CBLB: variants seen among roughly 807,000 people sequenced by gnomAD.
CBLB encodes E3 ubiquitin-protein ligase CBL-B.
CBLB carries 31 observed loss-of-function variants against 104.9 expected under a neutral mutation model. The observed-to-expected ratio is 0.30, with a 90% CI of 0.22 to 0.40. The LOEUF (loss-of-function observed/expected upper bound fraction) is 0.40, where lower values mean the gene tolerates loss of function less well. CBLB is among the 10% of genes least tolerant of loss of function. The pLI is 1.00. For synonymous variants in CBLB, 440 were observed against 422.6 expected (o/e 1.04, Z -0.51); for missense variants, 1,062 against 1,214.6 (o/e 0.87, Z 1.87).
At chr3:105,780,653 GTTTT>G (rs1245925965) in intron 3 of CBLB, among the ~76,000 whole-genome samples, 1 of 84,688 alleles carries the variant, frequency 1.2e-5, no homozygotes, top group African/African-American at 3.9e-5. Flanking sequence ...TAAAAGTTTT[GTTTT>G]TTGTTTTTTT....
chr3:105,794,605 T>C (rs539239421), intron 3 of CBLB, among the ~76,000 whole-genome samples: 1 of 152,156 alleles, frequency 6.6e-6, no homozygotes, highest in African/African-American at 2.4e-5. Flanking sequence ...GGGGCTAGAA[T>C]TGAGTCTTTG....
chr3:105,800,682 C>T (rs2082751049), intron 3 of CBLB, among the ~76,000 whole-genome samples: 1 of 152,034 alleles, frequency 6.6e-6, no homozygotes, highest in African/African-American at 2.4e-5. Flanking sequence ...TACACAAACC[C>T]CCCCACCCAC....
At chr3:105,722,171 C>T (rs2072942820) in intron 9 of CBLB, among the ~76,000 whole-genome samples, 2 of 133,036 alleles carry the variant, frequency 1.5e-5, no homozygotes, top group Admixed American at 1.7e-4. Flanking sequence ...CTGCCCTCAG[C>T]CTAGGTGTAA....
At chr3:105,828,434 C>T (rs535445183) in intron 3 of CBLB, among the ~76,000 whole-genome samples, 1 of 152,288 alleles carries the variant, frequency 6.6e-6, no homozygotes, top group Non-Finnish European at 1.5e-5. Context: ...ATATTAAATG[C>T]TGTTTCACTG....
chr3:105,760,767 C>A (rs917133565), intron 4 of CBLB, among the ~76,000 whole-genome samples: 2 of 151,976 alleles, frequency 1.3e-5, no homozygotes, highest in African/African-American at 4.8e-5. Context: ...TTTCTAAAAC[C>A]CTGAAAGAAA....
intron 8 of CBLB, among the ~76,000 whole-genome samples, chr3:105,735,232 C>A (rs1052029057): frequency 2.0e-5 from 3 of 152,100 alleles, no homozygotes; most frequent in Non-Finnish European, 4.4e-5. Flanking sequence ...CACACATGTA[C>A]ACATAAACTG....
intron 6 of CBLB, among the ~76,000 whole-genome samples, chr3:105,744,481 T>C (rs1298324744): frequency 6.6e-6 from 1 of 152,188 alleles, no homozygotes; most frequent in Non-Finnish European, 1.5e-5. Flanking sequence ...TAACTCTCCT[T>C]AGTCTAAATA....
chr3:105,742,169 C>G (rs1229614761), intron 6 of CBLB, among the ~76,000 whole-genome samples: 1 of 152,132 alleles, frequency 6.6e-6, no homozygotes, highest in Non-Finnish European at 1.5e-5. Context: ...TTAAGCAGAT[C>G]AAAAACAAAC....
intron 3 of CBLB, among the ~76,000 whole-genome samples, chr3:105,847,392 C>CCACACACA (rs112192218): frequency 0.01 from 1,447 of 143,514 alleles, 7 homozygotes; most frequent in Middle Eastern, 0.033. Flanking sequence ...TAACCCTCCA[C>CCACACACA]CACACACACA....
At position 105,867,424 on chromosome 3, in the gene CBLB, G is replaced by A; in HGVS notation, c.154C>T (p.Leu52Phe). 6.2e-7 allele frequency: 1 copy of A among 1,614,160 alleles called. No individual in the cohort carries two copies. The highest frequency in any genetic ancestry group is 8.5e-7 in the Non-Finnish European group (1 of 1,180,000). Residue 52 changes from leucine to phenylalanine, a missense_variant, in exon 2 of 19, where the codon CTC (leucine) becomes TTC (phenylalanine). Leu to Phe is a conservative substitution (Grantham distance 22). Transcript: ENST00000394030. ...ACAGAACTTACCACTTTGTCCATGA[G>A]CTTCCAAGTCTTCTCCACGGTCCTG... Reference protein sequence around the residue: ...DRRTVEKTWKLMDKVVRLCQN... With the variant: ...DRRTVEKTWKFMDKVVRLCQN...
At chr3:105,751,421 GAGA>G (rs1181587981) in intron 5 of CBLB, 38 bp downstream of exon 5, 2 of 1,417,036 alleles carry the variant, frequency 1.4e-6, no homozygotes, top group East Asian at 2.3e-5. Flanking sequence ...GACAGGGAGA[GAGA>G]AGAAGGGAAT....
intron 3 of CBLB, among the ~76,000 whole-genome samples, chr3:105,815,120 C>T (rs2084846892): frequency 6.6e-6 from 1 of 152,154 alleles, no homozygotes; most frequent in Non-Finnish European, 1.5e-5. Flanking sequence ...TCTATGAAAG[C>T]ACTTCCCAGT....
rs1481342352 is a variant in CBLB at position 105,702,145 on chromosome 3, T to A, written c.1908A>T (p.Pro636=). Residue 636 remains proline, a synonymous_variant, in exon 12 of 19, where the codon CCA becomes CCT. Transcript: ENST00000394030. ...GGCGTCTGTGTTTCCGCATAAGCAC[T>A]GGGTCAGAGCCCACTCTACTGTGCC... The part of the protein sequence containing the change: ...NGRHSRVGSD[P]VLMRKHRRHD... 6.2e-7 allele frequency: 1 copy of A among 1,614,074 alleles called. No individual in the cohort carries two copies. The highest frequency in any genetic ancestry group is 1.3e-5 in the African/African-American group (1 of 74,918).
At chr3:105,827,239 G>A (rs201300775) in intron 3 of CBLB, among the ~76,000 whole-genome samples, 1 of 151,180 alleles carries the variant, frequency 6.6e-6, no homozygotes, top group Non-Finnish European at 1.5e-5. Context: ...CAGAGTAAAT[G>A]ACGTAAGTAA....
At chr3:105,744,446 C>T (rs2075910434) in intron 6 of CBLB, among the ~76,000 whole-genome samples, 1 of 152,056 alleles carries the variant, frequency 6.6e-6, no homozygotes, top group Non-Finnish European at 1.5e-5. Flanking sequence ...AATAACTGAC[C>T]TTCTCTCATG....
At chr3:105,664,453 G>C (rs933267394) in intron 18 of CBLB, among the ~76,000 whole-genome samples, 1 of 152,132 alleles carries the variant, frequency 6.6e-6, no homozygotes, top group East Asian at 1.9e-4. Context: ...TCTTAAGATC[G>C]TAAGTGAAAA....
chr3:105,780,672 T>TG (rs2080143447), intron 3 of CBLB, among the ~76,000 whole-genome samples: 2 of 138,974 alleles, frequency 1.4e-5, no homozygotes, highest in South Asian at 2.4e-4. Context: ...TTTTTTTTTT[T>TG]TTTTTTTTGA....
chr3:105,715,382 T>G (rs148419206), intron 10 of CBLB, among the ~76,000 whole-genome samples: 24 of 152,318 alleles, frequency 1.6e-4, no homozygotes, highest in African/African-American at 5.8e-4. Flanking sequence ...GACTTTTAGG[T>G]TCTATTGCTT....
chr3:105,686,462 A>C (rs957276574), intron 13 of CBLB, among the ~76,000 whole-genome samples: 2 of 151,966 alleles, frequency 1.3e-5, no homozygotes, highest in East Asian at 1.9e-4. Context: ...AAAAAAAAAA[A>C]ACAAAAAAAC....
Sources: allele counts gnomAD v4.1 joint callset (sites outside exome capture counted in the v4.1 genomes callset), GRCh38; gene constraint gnomAD v4.1.1; transcripts MANE v1.5; gene names NCBI Gene and HGNC (gene_info 2026-07-23, HGNC 2026-07-21).